The following FUBP1 variants were observed in gnomAD, a reference collection of about 807,000 sequenced individuals.
The protein encoded by FUBP1 is far upstream element binding protein 1.
Under a neutral mutation model 94.9 loss-of-function variants are expected in FUBP1, and 16 were observed. That is an observed-to-expected ratio of 0.17 (90% confidence interval 0.11 to 0.26). The LOEUF (loss-of-function observed/expected upper bound fraction) is 0.26, where lower values mean the gene tolerates loss of function less well. FUBP1 is among the 10% of genes least tolerant of loss of function. The pLI, the probability that FUBP1 is intolerant of heterozygous loss-of-function variation, is 1.00. For missense variants in FUBP1, 583 were observed against 808.6 expected (o/e 0.72, Z 3.38); for synonymous variants, 279 against 254.9 (o/e 1.09, Z -0.90).
intron 14 of FUBP1, 28 bp from the exon 15 acceptor site, chr1:77,960,523 A>G: frequency 1.3e-6 from 2 of 1,575,478 alleles, no homozygotes; most frequent in South Asian, 2.3e-5. Flanking sequence ...ACATAGAAAA[A>G]TCAGAAAAAC....
rs546489070 is a variant in FUBP1 at position 77,960,558 on chromosome 1, G to A, written c.1345-63C>T. On this transcript the variant is annotated intron_variant, in intron 14 of 19. Coordinates refer to ENST00000370768, the MANE Select transcript of FUBP1 (RefSeq NM_003902.5). ...CACAGTAATGGTTAAACAACTCTAC[G>A]GCCAAATAATCATCCATTTCTACCC... is the stretch of plus-strand genomic sequence containing the variant. 1.8e-3 allele frequency: 2,376 copies of A among 1,293,448 alleles called. 4 individuals are homozygous for A. Among genetic ancestry groups the A allele is most frequent in the Non-Finnish European group, 2.1e-3 (1,999 of 938,090 alleles). 80.1% of individuals were successfully genotyped at this position (1,293,448 alleles called of 1,614,324 possible).
chr1:77,955,245 TA>T lies in FUBP1; in HGVS notation c.1780+9del. 1 of 1,166,000 alleles carries T rather than the reference TA, an allele frequency of 8.6e-7. No homozygotes were observed. Among genetic ancestry groups the T allele is most frequent in the Non-Finnish European group, 1.3e-6 (1 of 771,974 alleles). 72.2% of individuals were successfully genotyped at this position (1,166,000 alleles called of 1,614,324 possible). ...TAAGTATGTATTTTCAAGAAATGTA[TA>T]AAACATACCCATTTTCTTGTAGTAC... On this transcript the variant is annotated intron_variant, in intron 18 of 19. Coordinates refer to ENST00000370768, the MANE Select transcript of FUBP1 (RefSeq NM_003902.5).
chr1:77,951,954 TCAAACTTTTCC>T (rs2102263345), intron 18 of FUBP1, among the ~76,000 whole-genome samples: 1 of 152,232 alleles, frequency 6.6e-6, no homozygotes, highest in East Asian at 1.9e-4. Context: ...CTTCCTCAAG[TCAAACTTTTCC>T]CAAATGTCTT....
chr1:77,970,589 A>G (rs1657334048), intron 1 of FUBP1, among the ~76,000 whole-genome samples: 1 of 152,226 alleles, frequency 6.6e-6, no homozygotes, highest in African/African-American at 2.4e-5. Flanking sequence ...CATGTGGCTC[A>G]CATTGTACTT....
intron 18 of FUBP1, among the ~76,000 whole-genome samples, chr1:77,952,505 T>C (rs1381886577): frequency 6.6e-6 from 1 of 152,144 alleles, no homozygotes; most frequent in Non-Finnish European, 1.5e-5. Flanking sequence ...AAAGGGGCAC[T>C]AGGATGGGGA....
chr1:77,952,358 G>C (rs1653632872), intron 18 of FUBP1, among the ~76,000 whole-genome samples: 1 of 149,486 alleles, frequency 6.7e-6, no homozygotes, highest in Admixed American at 6.7e-5. Flanking sequence ...ACCCACACCT[G>C]TTTTCAATAG....
At chr1:77,968,295 TGAAA>T in intron 2 of FUBP1, 92 bp from the exon 3 acceptor site, 1 of 727,162 alleles carries the variant, frequency 1.4e-6, no homozygotes, top group Non-Finnish European at 2.3e-6. Flanking sequence ...AAACATTTAT[TGAAA>T]TATCTGAAGG....
Position 77,948,008 on chromosome 1 carries a change from A to G in FUBP1, c.*758T>C. 2 of 1,032,954 alleles carry G rather than the reference A, an allele frequency of 1.9e-6. No homozygotes were observed. The highest frequency in any genetic ancestry group is 2.3e-6 in the Non-Finnish European group (2 of 853,330). The allele number at this position is 1,032,954 out of a possible 1,614,324, so 64.0% of individuals were successfully genotyped here. On this transcript the variant is annotated 3_prime_UTR_variant, in exon 20 of 20. Transcript: ENST00000370768. Reference sequence around the variant, plus strand: ...TGTTTAAAATTAGTTATGCCGAAACAGTCTTGGAAATCAAGTATTATCAAA... The same window carrying G: ...TGTTTAAAATTAGTTATGCCGAAACGGTCTTGGAAATCAAGTATTATCAAA...
rs1439696590 is a variant in FUBP1 at position 77,947,233 on chromosome 1, G to A, written c.*1533C>T. On this transcript the variant is annotated 3_prime_UTR_variant, in exon 20 of 20. Transcript: ENST00000370768. The stretch of plus-strand genomic sequence containing the variant: ...TAAGTATCAGTTTTCTTTAGCTATA[G>A]CTAAAGCATATAAAAAATACTTACC... 5 of 280,022 alleles carry A rather than the reference G, an allele frequency of 1.8e-5. No individual in the cohort carries two copies. The highest frequency in any genetic ancestry group is 3.5e-5 in the Non-Finnish European group (5 of 143,708). The allele number at this position is 280,022 out of a possible 1,614,324, so 17.3% of individuals were successfully genotyped here. A position where few individuals can be genotyped will look rare whatever the true frequency, so the allele number is the denominator to read the frequency against.
intron 18 of FUBP1, among the ~76,000 whole-genome samples, chr1:77,950,915 C>G (rs1653340814): frequency 6.6e-6 from 1 of 152,056 alleles, no homozygotes; most frequent in African/African-American, 2.4e-5. Flanking sequence ...GAAAAAAACC[C>G]TCTTTTCTTG....
chr1:77,954,548 G>A (rs915364328), intron 18 of FUBP1, among the ~76,000 whole-genome samples: 14 of 152,036 alleles, frequency 9.2e-5, no homozygotes, highest in African/African-American at 3.1e-4. Context: ...TTCTTTCTGT[G>A]GAGAATGAGA....
intron 18 of FUBP1, 25 bp downstream of exon 18, chr1:77,955,230 T>C: frequency 1.0e-6 from 1 of 969,158 alleles, no homozygotes; most frequent in Non-Finnish European, 1.7e-6. Flanking sequence ...TAAGTATGTA[T>C]TTTCAAGAAA....
intron 1 of FUBP1, among the ~76,000 whole-genome samples, chr1:77,975,685 G>A (rs77595732): frequency 0.047 from 7,190 of 152,186 alleles, 227 homozygotes; most frequent in East Asian, 0.11. Context: ...AGAGACAGAA[G>A]TTGCTATTAG....
At chr1:77,963,969 A>T (rs1445392177) in intron 12 of FUBP1, 93 bp downstream of exon 12, 4 of 823,044 alleles carry the variant, frequency 4.9e-6, no homozygotes, top group Non-Finnish European at 8.4e-6. Flanking sequence ...AGCATCATCA[A>T]GCAGACTCTG....
At position 77,945,274 on chromosome 1, in the gene FUBP1, CT is replaced by C. The variant is rs1323028320; in HGVS notation, c.*3491del. 6.6e-6 allele frequency among the ~76,000 whole-genome samples: 1 copy of C among 151,918 alleles called. No individual in the cohort carries two copies. The highest frequency in any genetic ancestry group is 2.4e-5 in the African/African-American group (1 of 41,406). On this transcript the variant is annotated 3_prime_UTR_variant, in exon 20 of 20. Transcript: ENST00000370768. ...CAGGCTCTCAAGTTTCAATGAGCCC[CT>C]TTATATTATCAATTGTACATACCTA...
intron 14 of FUBP1, 172 bp from the exon 15 acceptor site, chr1:77,960,667 TGA>T (rs1181415017): frequency 1.9e-6 from 1 of 526,404 alleles, no homozygotes; most frequent in African/African-American, 2.0e-5. Flanking sequence ...GCCATAATAA[TGA>T]GACATGTAAA....
Position 77,955,321 on chromosome 1 carries a change from G to T in FUBP1, c.1714C>A (p.Gln572Lys). 1.3e-6 allele frequency: 2 copies of T among 1,572,300 alleles called. No individual in the cohort carries two copies. Among genetic ancestry groups the T allele is most frequent in the South Asian group, 1.1e-5 (1 of 90,164 alleles). ...ACCTGTCCAGCTGGGGCTGGATTCT[G>T]CTGATCTCCTTGTTCAAGCAAAACA... ...TTQTNGQGDQ[Q>K]NPAPAGQVDY... Residue 572 changes from glutamine (Q) to lysine (K), a missense_variant, in exon 18 of 20, where the codon CAG becomes AAG. Gln to Lys is a moderately conservative substitution (Grantham distance 53). Transcript: ENST00000370768.
At position 77,964,668 on chromosome 1, in the gene FUBP1, A is replaced by G. The variant is rs140398386; in HGVS notation, c.815T>C (p.Ile272Thr). ...TACATCTATCCCTTCATTTCCTCCTATTCTTGACCCATACTCATTCCGAAC... is the reference window on the plus strand; with the variant it reads ...TACATCTATCCCTTCATTTCCTCCTGTTCTTGACCCATACTCATTCCGAAC... Reference protein sequence around the residue: ...REVRNEYGSRIGGNEGIDVPI... With the variant: ...REVRNEYGSRTGGNEGIDVPI... Residue 272 changes from isoleucine (I) to threonine (T), a missense_variant, in exon 10 of 20, where the codon ATA (isoleucine) becomes ACA (threonine). Coordinates refer to ENST00000370768, the MANE Select transcript of FUBP1 (RefSeq NM_003902.5). The G allele has an allele frequency of 2.3e-5, 36 of 1,598,768 alleles. No homozygotes were observed. The Admixed American group carries it at 6.0e-4, about 27-fold the overall frequency.
Position 77,948,305 on chromosome 1 carries a change from AT to A in FUBP1, c.*460del, listed in dbSNP as rs1213484748. 9.5e-7 allele frequency: 1 copy of A among 1,047,676 alleles called. No homozygotes were observed. Among genetic ancestry groups the A allele is most frequent in the African/African-American group, 1.6e-5 (1 of 60,626 alleles). 64.9% of individuals were successfully genotyped at this position (1,047,676 alleles called of 1,614,324 possible). ...CCAGTGTTTAAAAACTCAATATTTC[AT>A]GGGGAAAGCTTATATATTTGTGTAT... is the stretch of plus-strand genomic sequence containing the variant. On this transcript the variant is annotated 3_prime_UTR_variant, in exon 20 of 20. Transcript: ENST00000370768.
Sources: allele counts gnomAD v4.1 joint callset (sites outside exome capture counted in the v4.1 genomes callset), GRCh38; gene constraint gnomAD v4.1.1; transcripts MANE v1.5; gene names NCBI Gene and HGNC (gene_info 2026-07-23, HGNC 2026-07-21).